ACKR2: variants seen among roughly 807,000 people sequenced by gnomAD.
ACKR2 encodes C-C chemokine receptor D6.
For missense variants in ACKR2, 457 were observed against 477.3 expected (o/e 0.96, Z 0.40); for synonymous variants, 207 against 192.2 (o/e 1.08, Z -0.64).
rs113540259 is a variant in ACKR2 at position 42,824,217 on chromosome 3, A to G, written c.-38+4506A>G. ...TACTCAACCTATAATACCTAATATAATGTAAATGCTATGTAAATAGTTGTT... is the reference window on the plus strand; with the variant it reads ...TACTCAACCTATAATACCTAATATAGTGTAAATGCTATGTAAATAGTTGTT... On this transcript the variant is annotated intron_variant, in intron 2 of 2. Coordinates refer to ENST00000422265, the MANE Select transcript of ACKR2 (RefSeq NM_001296.5). Among the ~76,000 whole-genome samples, 20 of 152,320 alleles carry G rather than the reference A, an allele frequency of 1.3e-4. 1 individual carries two copies. Among genetic ancestry groups the G allele is most frequent in the African/African-American group, 4.8e-4 (20 of 41,566 alleles).
At chr3:42,835,059 C>T (rs1383090888) in intron 2 of ACKR2, among the ~76,000 whole-genome samples, 1 of 151,664 alleles carries the variant, frequency 6.6e-6, no homozygotes, top group Non-Finnish European at 1.5e-5. Context: ...CTAATTTTTG[C>T]ACTTTTTTGG....
At chr3:42,834,233 C>T (rs1700962738) in intron 2 of ACKR2, among the ~76,000 whole-genome samples, 1 of 152,240 alleles carries the variant, frequency 6.6e-6, no homozygotes, top group Non-Finnish European at 1.5e-5. Context: ...ACCGGGATTA[C>T]AGGCGTGAGC....
At chr3:42,812,796 C>T (rs181175372) in intron 1 of ACKR2, among the ~76,000 whole-genome samples, 1 of 140,748 alleles carries the variant, frequency 7.1e-6, no homozygotes, top group East Asian at 2.3e-4. Context: ...AAGTGATCCT[C>T]TTGCCTCAGC....
intron 2 of ACKR2, chr3:42,835,578 C>T (rs1027957687): frequency 2.6e-5 from 4 of 152,238 alleles, no homozygotes; most frequent in African/African-American, 9.6e-5. Context: ...TGCCCTTTAC[C>T]GTGAGCAGAT....
Position 42,865,890 on chromosome 3 carries a change from C to G in ACKR2, c.*233C>G, listed in dbSNP as rs1559695357. ...TTGCTACAATCTTTCTTCCTTCCTT[C>G]CTTGCTTCCTTCCTTCCTTCCTTCC... On this transcript the variant is annotated 3_prime_UTR_variant, in exon 3 of 3. Transcript: ENST00000422265. 12 of 480,732 alleles carry G rather than the reference C, an allele frequency of 2.5e-5. No homozygotes were observed. The highest frequency in any genetic ancestry group is 6.8e-5 in the South Asian group (2 of 29,526). The allele number at this position is 480,732 out of a possible 1,614,324, so 29.8% of individuals were successfully genotyped here.
intron 2 of ACKR2, among the ~76,000 whole-genome samples, chr3:42,824,267 T>A (rs1423654869): frequency 6.6e-6 from 1 of 152,170 alleles, no homozygotes; most frequent in Admixed American, 6.5e-5. Flanking sequence ...AAAATTTGTA[T>A]TTTTTTATTG....
chr3:42,825,578 TGTG>T (rs1341289494), intron 2 of ACKR2, among the ~76,000 whole-genome samples: 3 of 13,638 alleles, frequency 2.2e-4, no homozygotes, highest in Admixed American at 2.6e-4. Context: ...TTAGCTCTGA[TGTG>T]TGTGTGTGTG....
At chr3:42,828,724 C>G (rs935766786) in intron 2 of ACKR2, among the ~76,000 whole-genome samples, 2 of 152,020 alleles carry the variant, frequency 1.3e-5, no homozygotes, top group African/African-American at 4.8e-5. Context: ...ATTTGGGGGG[C>G]TAATCAGGGG....
At chr3:42,816,337 C>T (rs944611587) in intron 1 of ACKR2, among the ~76,000 whole-genome samples, 1 of 152,008 alleles carries the variant, frequency 6.6e-6, no homozygotes, top group African/African-American at 2.4e-5. Context: ...GAGCTAGAAA[C>T]CACCTTTGAT....
rs1559695107 is a variant in ACKR2 at position 42,865,375 on chromosome 3, CT to C, written c.874del (p.Tyr292ThrfsTer5). 6.2e-7 allele frequency: 1 copy of C among 1,614,092 alleles called. No individual in the cohort carries two copies. Among genetic ancestry groups the C allele is most frequent in the African/African-American group, 1.3e-5 (1 of 74,932 alleles). Reference protein sequence around the residue: ...GNCEVSQHLDYALQVTESIAF... With the variant: ...GNCEVSQHLDXALQVTESIAF... ...ACTGTGAGGTCAGCCAGCATCTAGACTACGCACTCCAGGTAACAGAGAGCAT... is the reference window on the plus strand; with the variant it reads ...ACTGTGAGGTCAGCCAGCATCTAGACACGCACTCCAGGTAACAGAGAGCAT... On this transcript the variant is annotated frameshift_variant, in exon 3 of 3. Coordinates refer to ENST00000422265, the MANE Select transcript of ACKR2 (RefSeq NM_001296.5). LOFTEE classifies it low-confidence loss of function (END_TRUNC).
rs543451438 is a variant in ACKR2, at chr3:42,864,966, T to C, written c.464T>C (p.Leu155Pro). ...GTTCATGCTCAGCCCTACCACAGGC[T>C]GAGGACCCGGGCCAAGAGCCTGCTC... ...EIVHAQPYHR[L>P]RTRAKSLLLA... The change falls in exon 3 of 3, where the codon CTG (leucine) becomes CCG (proline). Residue 155 changes from leucine to proline, a missense_variant. By Grantham distance (98) the Leu-to-Pro change is moderately conservative. Transcript: ENST00000422265. The C allele has an allele frequency of 1.9e-6, 3 of 1,614,058 alleles. No homozygotes were observed. Among genetic ancestry groups the C allele is most frequent in the Non-Finnish European group, 2.5e-6 (3 of 1,180,048 alleles).
intron 2 of ACKR2, among the ~76,000 whole-genome samples, chr3:42,828,936 T>G (rs900568402): frequency 6.6e-6 from 1 of 152,220 alleles, no homozygotes; most frequent in African/African-American, 2.4e-5. Flanking sequence ...GTGATATCTT[T>G]ATTGTGATCA....
At chr3:42,838,384 A>G (rs1701004658) in intron 2 of ACKR2, among the ~76,000 whole-genome samples, 1 of 152,236 alleles carries the variant, frequency 6.6e-6, no homozygotes, top group African/African-American at 2.4e-5. Context: ...AATGGGCAAA[A>G]TATGTGAAAA....
chr3:42,810,128 A>T (rs1251570000), intron 1 of ACKR2, among the ~76,000 whole-genome samples: 1 of 152,246 alleles, frequency 6.6e-6, no homozygotes, highest in East Asian at 1.9e-4. Context: ...ATATTTCCTG[A>T]ATTCTAAAGT....
chr3:42,810,731 A>G (rs1700686847), intron 1 of ACKR2, among the ~76,000 whole-genome samples: 1 of 152,254 alleles, frequency 6.6e-6, no homozygotes, highest in Non-Finnish European at 1.5e-5. Context: ...CCTTTGTTCA[A>G]GTGCGCTCTC....
intron 2 of ACKR2, among the ~76,000 whole-genome samples, chr3:42,836,324 C>T (rs773979871): frequency 2.0e-5 from 3 of 152,150 alleles, no homozygotes; most frequent in Non-Finnish European, 4.4e-5. Context: ...GCTGCAATTC[C>T]ACAATCCACC....
At chr3:42,849,526 C>CA (rs1238288718) in intron 2 of ACKR2, among the ~76,000 whole-genome samples, 3 of 151,720 alleles carry the variant, frequency 2.0e-5, no homozygotes, top group African/African-American at 7.3e-5. Context: ...AAACCTTAGG[C>CA]AAAGTAAATG....
intron 2 of ACKR2, among the ~76,000 whole-genome samples, chr3:42,857,763 A>G (rs1361826191): frequency 6.6e-6 from 1 of 152,258 alleles, no homozygotes; most frequent in East Asian, 1.9e-4. Context: ...AGCAAGGGAA[A>G]TCCTCAGGTG....
intron 2 of ACKR2, among the ~76,000 whole-genome samples, chr3:42,821,049 T>A (rs1463316576): frequency 6.6e-6 from 1 of 152,066 alleles, no homozygotes; most frequent in African/African-American, 2.4e-5. Context: ...CATGCCCGGC[T>A]AATTTTTTAA....
Sources: gnomAD v4.1 joint callset for allele counts (sites outside exome capture counted in the v4.1 genomes callset) on GRCh38, gnomAD v4.1.1 for gene constraint, MANE v1.5 for transcripts, NCBI Gene and HGNC (gene_info 2026-07-23, HGNC 2026-07-21) for gene names.